Variants in CHD5 observed in about 807,000 individuals in gnomAD.
CHD5 encodes ATP-dependent chromatin remodeler CHD5.
In CHD5, 69 loss-of-function variants were observed where a neutral mutation model predicts 230.3. That is an observed-to-expected ratio of 0.30 (90% confidence interval 0.25 to 0.37). The LOEUF is 0.37. CHD5 is among the 10% of genes least tolerant of loss of function. The pLI, the probability that CHD5 is intolerant of heterozygous loss-of-function variation, is 1.00. For missense variants in CHD5, 1,827 were observed against 2,622.8 expected (o/e 0.70, Z 6.63); for synonymous variants, 1,064 against 1,065.9 (o/e 1.00, Z 0.03).
At chr1:6,143,101 G>A (rs890223841) in intron 13 of CHD5, among the ~76,000 whole-genome samples, 1 of 151,858 alleles carries the variant, frequency 6.6e-6, no homozygotes, top group Non-Finnish European at 1.5e-5. Context: ...TGCCCAGGCT[G>A]GAGTGCAGTG....
Position 6,110,332 on chromosome 1 carries a change from G to A in CHD5, c.5382+62C>T, listed in dbSNP as rs578149669. 1.2e-5 allele frequency: 19 copies of A among 1,594,130 alleles called. No homozygotes were observed. The Middle Eastern group carries it at 5.0e-4, about 42-fold the overall frequency. On this transcript the variant is annotated intron_variant, in intron 37 of 41. Coordinates refer to ENST00000262450, the MANE Select transcript of CHD5 (RefSeq NM_015557.3). ...TGCTCTCTAATTCCTTTGCCTTTGC[G>A]AGGGTCCTCCTGACACCGTCCCTCC...
intron 15 of CHD5, among the ~76,000 whole-genome samples, chr1:6,139,234 G>A (rs933696583): frequency 1.3e-5 from 2 of 151,970 alleles, no homozygotes; most frequent in Non-Finnish European, 2.9e-5. Context: ...TTGTTTTGTT[G>A]TTGTTGTTGT....
chr1:6,113,179 T>C (rs981245719), intron 33 of CHD5, 181 bp from the exon 34 acceptor site: 1 of 589,756 alleles, frequency 1.7e-6, no homozygotes, highest in East Asian at 2.9e-5. Context: ...ATCCCAGTAT[T>C]TTGGGAGGCC....
chr1:6,144,281 G>C lies in CHD5; in HGVS notation c.1803-126C>G. The C allele has an allele frequency of 4.5e-6, 6 of 1,341,630 alleles. No homozygotes were observed. In the Admixed American group the frequency reaches 1.1e-4, roughly 25 times the overall value. The allele number at this position is 1,341,630 out of a possible 1,614,324, so 83.1% of individuals were successfully genotyped here. ...TCCCCTCGGATGCTGGGCCCAGCCAGGAGGAGGAGACGAGGGCAGAAGCTC... is the reference window on the plus strand; with the variant it reads ...TCCCCTCGGATGCTGGGCCCAGCCACGAGGAGGAGACGAGGGCAGAAGCTC... On this transcript the variant is annotated intron_variant, in intron 11 of 41. Transcript: ENST00000262450.
At chr1:6,139,342 T>C (rs1047952792) in intron 15 of CHD5, among the ~76,000 whole-genome samples, 1 of 152,056 alleles carries the variant, frequency 6.6e-6, no homozygotes, top group African/African-American at 2.4e-5. Flanking sequence ...GTTCAAGCGA[T>C]TCTCCTGCCT....
rs766854816 is a variant in CHD5, at chr1:6,121,096, A to T, written c.4912+9T>A. 6.3e-7 allele frequency: 1 copy of T among 1,579,094 alleles called. No individual in the cohort carries two copies. The highest frequency in any genetic ancestry group is 8.6e-7 in the Non-Finnish European group (1 of 1,164,426). ...GCACTGGGGTGGGTGGCCTGCAAGA[A>T]GCCCCAACCTCTCGGCAGCTGCTCC... is the stretch of plus-strand genomic sequence containing the variant. On this transcript the variant is annotated intron_variant, in intron 33 of 41. Transcript: ENST00000262450. The surrounding 1 kb of genome is among the most constrained non-coding windows in gnomAD (Gnocchi z 4.5).
intron 33 of CHD5, chr1:6,113,274 C>A: frequency 2.3e-6 from 1 of 429,940 alleles, no homozygotes; most frequent in Non-Finnish European, 4.4e-6. Flanking sequence ...AATACAACAA[C>A]TTAGCTGGGC....
rs1667281230 is a variant in CHD5 at position 6,167,991 on chromosome 1, C to G, written c.207+159G>C. Among the ~76,000 whole-genome samples the G allele has an allele frequency of 6.6e-6, 1 of 152,206 alleles. No homozygotes were observed. Among genetic ancestry groups the G allele is most frequent in the Admixed American group, 6.5e-5 (1 of 15,286 alleles). ...CTTAAAAAGGCTTCCGTGCACAACG[C>G]TTCATACGAGAAACTGGTTATGGTG... is the stretch of plus-strand genomic sequence containing the variant. On this transcript the variant is annotated intron_variant, in intron 2 of 41. Coordinates refer to ENST00000262450, the MANE Select transcript of CHD5 (RefSeq NM_015557.3). The surrounding 1 kb of genome is among the most constrained non-coding windows in gnomAD (Gnocchi z 4.5).
Position 6,129,175 on chromosome 1 carries a change from T to C in CHD5, c.3388-106A>G. The stretch of plus-strand genomic sequence containing the variant: ...GCATGGAATGGGCTGCATGACTGTG[T>C]AGGGAAAGGCGTGTGGTGCGTCCAG... On this transcript the variant is annotated intron_variant, in intron 22 of 41. Transcript: ENST00000262450. This position sits in a 1 kb window ranked among gnomAD's most constrained non-coding sequence, Gnocchi z 6.8. The C allele has an allele frequency of 1.3e-6, 1 of 769,754 alleles. No homozygotes were observed. The allele number at this position is 769,754 out of a possible 1,614,324, so 47.7% of individuals were successfully genotyped here.
At chr1:6,158,803 C>T (rs1247002888) in intron 3 of CHD5, among the ~76,000 whole-genome samples, 1 of 151,562 alleles carries the variant, frequency 6.6e-6, no homozygotes. Context: ...GTCAGGAGAT[C>T]GAGACCATCC....
chr1:6,159,545 C>T (rs1444717463), intron 2 of CHD5, 30 bp from the exon 3 acceptor site: 1 of 1,575,704 alleles, frequency 6.3e-7, no homozygotes, highest in Middle Eastern at 1.7e-4. Flanking sequence ...GTGAGGGCAA[C>T]AGAGGCCCCA....
At chr1:6,135,060 C>A (rs1394189136) in intron 18 of CHD5, among the ~76,000 whole-genome samples, 170 bp downstream of exon 18, 7 of 152,190 alleles carry the variant, frequency 4.6e-5, no homozygotes, top group African/African-American at 1.7e-4. Flanking sequence ...GCGACCCAAA[C>A]TCTGGTCACT....
At chr1:6,143,366 C>A (rs1666859688) in intron 13 of CHD5, among the ~76,000 whole-genome samples, 1 of 152,212 alleles carries the variant, frequency 6.6e-6, no homozygotes, top group Non-Finnish European at 1.5e-5. Flanking sequence ...AGGTCACTGG[C>A]CCCATGCAGT....
chr1:6,168,954 G>A (rs535788921), intron 1 of CHD5, among the ~76,000 whole-genome samples: 6 of 152,026 alleles, frequency 3.9e-5, no homozygotes, highest in South Asian at 4.2e-4. Context: ...AGGAGGTGGA[G>A]GTTGCAGTGA....
In CHD5 at chr1:6,125,755, C is replaced by A; in HGVS notation, c.4171+11G>T. On this transcript the variant is annotated intron_variant, in intron 27 of 41. Transcript: ENST00000262450. The surrounding 1 kb of genome is among the most constrained non-coding windows in gnomAD (Gnocchi z 6.7). ...TCAGCAGTAGCCCAGACCACTAACA[C>A]TGAGACTCACTCTGCCCTTCCGGCC... 1 of 1,610,572 alleles carries A rather than the reference C, an allele frequency of 6.2e-7. No homozygotes were observed. Among genetic ancestry groups the A allele is most frequent in the Non-Finnish European group, 8.5e-7 (1 of 1,176,798 alleles).
intron 3 of CHD5, among the ~76,000 whole-genome samples, chr1:6,159,066 C>T (rs1219259277): frequency 6.8e-6 from 1 of 147,968 alleles, no homozygotes; most frequent in African/African-American, 2.5e-5. Flanking sequence ...AAAATCCTGT[C>T]TCTACTAAAA....
In CHD5 at chr1:6,159,374, CCTT is replaced by C. The variant is rs928876260; in HGVS notation, c.346_348del (p.Lys116del). 13 of 1,552,044 alleles carry C rather than the reference CCTT, an allele frequency of 8.4e-6. No homozygotes were observed. Among genetic ancestry groups the C allele is most frequent in the Admixed American group, 3.9e-5 (2 of 51,046 alleles). On this transcript the variant is annotated inframe_deletion, in exon 3 of 42. Transcript: ENST00000262450. ...TCATCATTATCATCCTCATCCTCATCCTTCTTTTTTCGCTTGGCTTTTTTCTCC... is the reference window on the plus strand; with the variant it reads ...TCATCATTATCATCCTCATCCTCATCCTTTTTTCGCTTGGCTTTTTTCTCC...
intron 1 of CHD5, among the ~76,000 whole-genome samples, chr1:6,178,698 G>T (rs1388621583): frequency 6.6e-6 from 1 of 152,138 alleles, no homozygotes; most frequent in Non-Finnish European, 1.5e-5. Context: ...CGAGGTGAGT[G>T]CCGGGCTCCT....
Position 6,125,630 on chromosome 1 carries a change from A to G in CHD5, c.4172-18T>C. Reference sequence around the variant, plus strand: ...TCGTCCACCTGGGGAGCAGCCCGCCACAGTTCCTCAGGTGGGAGCCCAGAG... The same window carrying G: ...TCGTCCACCTGGGGAGCAGCCCGCCGCAGTTCCTCAGGTGGGAGCCCAGAG... On this transcript the variant is annotated intron_variant, in intron 27 of 41. Coordinates refer to ENST00000262450, the MANE Select transcript of CHD5 (RefSeq NM_015557.3). The surrounding 1 kb of genome is among the most constrained non-coding windows in gnomAD (Gnocchi z 6.7). The G allele has an allele frequency of 6.2e-7, 1 of 1,612,994 alleles. No individual in the cohort carries two copies. Among genetic ancestry groups the G allele is most frequent in the Non-Finnish European group, 8.5e-7 (1 of 1,179,262 alleles).
Sources: gnomAD v4.1 joint callset for allele counts (sites outside exome capture counted in the v4.1 genomes callset) on GRCh38, gnomAD v4.1.1 for gene constraint, Gnocchi (gnomAD v3.1) non-coding constraint, MANE v1.5 for transcripts, NCBI Gene and HGNC (gene_info 2026-07-23, HGNC 2026-07-21) for gene names.